Variants in FAM53A observed in about 807,000 individuals in gnomAD.
FAM53A encodes the protein family with sequence similarity 53 member A.
Under a neutral mutation model 26.6 loss-of-function variants are expected in FAM53A, and 28 were observed. The ratio of observed to expected loss-of-function variants is 1.05; its 90% CI spans 0.78 to 1.45. The LOEUF is 1.45. FAM53A is among the 40% of genes most tolerant of loss of function. The pLI, the probability that FAM53A is intolerant of heterozygous loss-of-function variation, is 0.00. For missense variants in FAM53A, 650 were observed against 575.8 expected, an observed-to-expected ratio of 1.13 and a Z score of -1.32; for synonymous variants, 290 against 253.1, an observed-to-expected ratio of 1.15 and a Z score of -1.38.
chr4:1,663,340 C>A (rs1053387303), intron 2 of FAM53A, among the ~76,000 whole-genome samples: 39 of 152,170 alleles, frequency 2.6e-4, no homozygotes, highest in Admixed American at 2.2e-3. Flanking sequence ...ACTAGGTTTG[C>A]ACCCAAAAGA....
At chr4:1,575,445 C>A in the FAM53A span, among the ~76,000 whole-genome samples, 1 of 152,140 alleles carries the variant, frequency 6.6e-6, no homozygotes, top group East Asian at 1.9e-4. Flanking sequence ...TGGCTGCGGT[C>A]TGGCAGGGGC....
chr4:1,655,789 C>A, intron 3 of FAM53A, 66 bp from the exon 4 acceptor site: 2 of 1,445,848 alleles, frequency 1.4e-6, no homozygotes, highest in Non-Finnish European at 1.8e-6. Flanking sequence ...CGACATCCAT[C>A]CCGGCAAACA....
chr4:1,665,505 A>T (rs949816869), intron 2 of FAM53A, among the ~76,000 whole-genome samples: 3 of 152,020 alleles, frequency 2.0e-5, no homozygotes, highest in African/African-American at 7.3e-5. Flanking sequence ...AAAAAAAAGT[A>T]AAAAGACTTA....
chr4:1,641,635 G>A (rs749376595), intron 4 of FAM53A, 28 bp from the exon 5 acceptor site: 2 of 1,610,852 alleles, frequency 1.2e-6, no homozygotes, highest in South Asian at 2.2e-5. Flanking sequence ...CGGGCTTAAA[G>A]CATTTCTAGC....
the FAM53A span, among the ~76,000 whole-genome samples, chr4:1,605,752 C>CA: frequency 6.6e-6 from 1 of 152,152 alleles, no homozygotes. The surrounding 1 kb of genome is among the most constrained non-coding windows in gnomAD (Gnocchi z 5.7). Context: ...CCGCCCGCAG[C>CA]AGTTCTGAAA....
At chr4:1,608,295 T>G in the FAM53A span, among the ~76,000 whole-genome samples, 19,927 of 151,800 alleles carry the variant, frequency 0.13, 1,502 homozygotes, top group East Asian at 0.27. Flanking sequence ...AGGCGGCCCC[T>G]CCTGAACCTC....
At chr4:1,660,875 C>T (rs1377959189) in intron 2 of FAM53A, among the ~76,000 whole-genome samples, 1 of 150,410 alleles carries the variant, frequency 6.6e-6, no homozygotes, top group Admixed American at 6.6e-5. Flanking sequence ...AGCCAGACTC[C>T]ATCTCAAAAA....
At chr4:1,616,425 C>T (rs1392092775), downstream of FAM53A, among the ~76,000 whole-genome samples, 2 of 152,120 alleles carry the variant, frequency 1.3e-5, no homozygotes, top group Non-Finnish European at 2.9e-5. Flanking sequence ...ACACGGGAGC[C>T]GAGCCATGAT....
At chr4:1,619,305 C>A (rs1017448432) in intron 1 of FAM53A, among the ~76,000 whole-genome samples, 1 of 152,220 alleles carries the variant, frequency 6.6e-6, no homozygotes, top group Non-Finnish European at 1.5e-5. Context: ...GGAGAGGGAA[C>A]GGCACGCACT....
At chr4:1,629,655 G>A (rs1715522773) in intron 1 of FAM53A, among the ~76,000 whole-genome samples, 1 of 152,248 alleles carries the variant, frequency 6.6e-6, no homozygotes, top group African/African-American at 2.4e-5. Context: ...CAGCTTCAGT[G>A]AAGAGTACAA....
chr4:1,607,940 C>CAAA, the FAM53A span, among the ~76,000 whole-genome samples: 2 of 121,782 alleles, frequency 1.6e-5, no homozygotes, highest in African/African-American at 5.9e-5. Flanking sequence ...GACTCCGTCT[C>CAAA]AAAAAAAAAA....
At chr4:1,615,439 A>C (rs1159776478), downstream of FAM53A, among the ~76,000 whole-genome samples, 1 of 141,468 alleles carries the variant, frequency 7.1e-6, no homozygotes, top group Admixed American at 7.2e-5. Flanking sequence ...GGATGCGGCC[A>C]CACCCACCCT....
chr4:1,673,349 G>C (rs1190559253), intron 1 of FAM53A, among the ~76,000 whole-genome samples: 1 of 152,226 alleles, frequency 6.6e-6, no homozygotes, highest in Non-Finnish European at 1.5e-5. Context: ...GTGGTCACGT[G>C]TGATGTGAAC....
At chr4:1,653,265 C>T (rs766502538) in intron 4 of FAM53A, among the ~76,000 whole-genome samples, 22 of 152,190 alleles carry the variant, frequency 1.4e-4, no homozygotes, top group Non-Finnish European at 2.8e-4. Flanking sequence ...TTGCCTCTAC[C>T]CACACCTCAC....
At chr4:1,665,710 C>T (rs1451503765) in intron 2 of FAM53A, among the ~76,000 whole-genome samples, 6 of 152,220 alleles carry the variant, frequency 3.9e-5, no homozygotes, top group Non-Finnish European at 2.9e-5. Flanking sequence ...ATGGAACCCC[C>T]GTGACCACTC....
At chr4:1,654,021 G>A (rs563939756) in intron 4 of FAM53A, among the ~76,000 whole-genome samples, 1 of 152,156 alleles carries the variant, frequency 6.6e-6, no homozygotes, top group African/African-American at 2.4e-5. Context: ...CAAGCCTGTG[G>A]CCCGGAGGAT....
At chr4:1,607,585 C>CA in the FAM53A span, among the ~76,000 whole-genome samples, 6,812 of 152,166 alleles carry the variant, frequency 0.045, 224 homozygotes, top group Middle Eastern at 0.099. Context: ...GCCGCCCCCC[C>CA]ACCACTGATG....
intron 1 of FAM53A, among the ~76,000 whole-genome samples, chr4:1,619,013 G>A (rs1714915990): frequency 6.6e-6 from 1 of 152,212 alleles, no homozygotes; most frequent in South Asian, 2.1e-4. Flanking sequence ...GGAAGGGGAT[G>A]CCGCAGAGCG....
At chr4:1,592,014 C>G in the FAM53A span, among the ~76,000 whole-genome samples, 1,855 of 152,276 alleles carry the variant, frequency 0.012, 29 homozygotes, top group African/African-American at 0.042. Flanking sequence ...CCCCAGACCA[C>G]AGGCTGAGCC....
Sources: gnomAD v4.1 joint callset for allele counts (sites outside exome capture counted in the v4.1 genomes callset) on GRCh38, gnomAD v4.1.1 for gene constraint, Gnocchi (gnomAD v3.1) non-coding constraint, MANE v1.5 for transcripts, NCBI Gene and HGNC (gene_info 2026-07-23, HGNC 2026-07-21) for gene names.